Variants in SATL1 observed in about 807,000 individuals in gnomAD.
The protein encoded by SATL1 is spermidine/spermine N(1)-acetyltransferase-like protein 1.
Under a neutral mutation model 51.8 loss-of-function variants are expected in SATL1, and 47 were observed. That is an observed-to-expected ratio of 0.91 (90% CI 0.72 to 1.16). SATL1 has a LOEUF of 1.16. SATL1 is among the 50% of genes most tolerant of loss of function. SATL1 has a pLI of 0.00. For synonymous variants in SATL1, 176 were observed against 182.4 expected, an observed-to-expected ratio of 0.97 and a Z score of 0.28; for missense variants, 520 against 526.4, an observed-to-expected ratio of 0.99 and a Z score of 0.12.
At chrX:85,114,538 T>C (rs773807963) in intron 2 of SATL1, among the ~76,000 whole-genome samples, 1 of 112,004 alleles carries the variant, frequency 8.9e-6, no homozygotes, top group East Asian at 2.8e-4. Context: ...TTTAAGAGGA[T>C]TAAAACAAGA....
rs780585183 is a variant in SATL1, at chrX:85,118,086, G to GTTTTTTTTTTTTTTTTTTTT, written c.-312-8807_-312-8806insAAAAAAAAAAAAAAAAAAAA. Among the ~76,000 whole-genome samples, 48 of 38,796 alleles carry GTTTTTTTTTTTTTTTTTTTT rather than the reference G, an allele frequency of 1.2e-3. 2 individuals are homozygous for GTTTTTTTTTTTTTTTTTTTT. The highest frequency in any genetic ancestry group is 2.8e-3 in the Non-Finnish European group (39 of 13,745). The allele number at this position is 38,796 out of a possible 115,157, so 33.7% of individuals were successfully genotyped here. On this transcript the variant is annotated intron_variant, in intron 2 of 7. Transcript: ENST00000644105. ...GTTTTGCAAATAAAAAAAGAACTTA[G>GTTTTTTTTTTTTTTTTTTTT]CTTTTTTTTTTTTTTTTCCAGAGTG... is the stretch of plus-strand genomic sequence containing the variant.
chrX:85,196,922 C>T (rs1350169757), intron 2 of SATL1, among the ~76,000 whole-genome samples: 1 of 111,642 alleles, frequency 9.0e-6, no homozygotes, highest in East Asian at 2.8e-4. Context: ...ATCTTTGTGA[C>T]CTTGGGATAA....
chrX:85,176,260 T>C (rs1305408500), intron 2 of SATL1, among the ~76,000 whole-genome samples: 7 of 111,989 alleles, frequency 6.3e-5, no homozygotes, highest in African/African-American at 2.3e-4. Flanking sequence ...TGATAATATA[T>C]TCTATTGGCA....
rs774808838 is a variant in SATL1 at position 85,092,479 on chromosome X, C to T, written c.2000G>A (p.Arg667Gln). ...CTCAGAGGAAAGGTCTAAAGCCCCTCGACTAGTATAGTAGTTGATAGAAGC... is the reference window on the plus strand; with the variant it reads ...CTCAGAGGAAAGGTCTAAAGCCCCTTGACTAGTATAGTAGTTGATAGAAGC... ...NQASINYYTS[R>Q]GALDLSSEEG... Residue 667 changes from arginine (R) to glutamine (Q), a missense_variant, in exon 8 of 8, where the codon CGA (arginine) becomes CAA (glutamine). Coordinates refer to ENST00000644105, the MANE Select transcript of SATL1 (RefSeq NM_001367857.2). 4 of 1,206,517 alleles carry T rather than the reference C, an allele frequency of 3.3e-6. No individual in the cohort carries two copies. The Admixed American group carries it at 6.6e-5, about 20-fold the overall frequency.
At chrX:85,219,349 C>G (rs17278366) in intron 2 of SATL1, 1 of 111,682 alleles carries the variant, frequency 9.0e-6, no homozygotes, top group African/African-American at 3.2e-5. Context: ...CTTATCTCTT[C>G]ATACCTTGAA....
intron 2 of SATL1, among the ~76,000 whole-genome samples, chrX:85,205,516 G>A (rs749784361): frequency 7.1e-5 from 8 of 112,250 alleles, no homozygotes; most frequent in African/African-American, 2.6e-4. Flanking sequence ...AGAGTTTGAA[G>A]AGATATTTGA....
intron 2 of SATL1, chrX:85,117,258 A>G (rs1402269012): frequency 2.7e-5 from 3 of 111,334 alleles, no homozygotes; most frequent in Non-Finnish European, 5.7e-5. Flanking sequence ...TTTATAATAA[A>G]CTTTCCCTCC....
At chrX:85,140,996 C>G (rs1197148164) in intron 2 of SATL1, among the ~76,000 whole-genome samples, 1 of 111,582 alleles carries the variant, frequency 9.0e-6, no homozygotes, top group Non-Finnish European at 1.9e-5. Flanking sequence ...ATCAAGGACC[C>G]TATTTTTTTC....
intron 2 of SATL1, among the ~76,000 whole-genome samples, chrX:85,139,220 C>G (rs751676617): frequency 2.7e-5 from 3 of 111,330 alleles, no homozygotes; most frequent in African/African-American, 9.8e-5. Flanking sequence ...AGCCTAGAAT[C>G]TATAATAACA....
intron 2 of SATL1, among the ~76,000 whole-genome samples, chrX:85,198,685 T>C (rs535666885): frequency 3.6e-5 from 4 of 111,311 alleles, no homozygotes; most frequent in South Asian, 3.8e-4. Flanking sequence ...GAATATGTAA[T>C]AATCACATCA....
chrX:85,183,920 C>G (rs1253023056), intron 2 of SATL1, among the ~76,000 whole-genome samples: 4 of 110,872 alleles, frequency 3.6e-5, no homozygotes, highest in Admixed American at 9.7e-5. Flanking sequence ...ATTCATTGGT[C>G]ATCTCCTCTT....
Position 85,150,494 on chromosome X carries a change from C to T in SATL1, c.-312-41214G>A, listed in dbSNP as rs1268745497. 1.1e-4 allele frequency among the ~76,000 whole-genome samples: 12 copies of T among 108,816 alleles called. No homozygotes were observed. In the East Asian group the frequency reaches 2.0e-3, roughly 19 times the overall value. 94.5% of individuals were successfully genotyped at this position (108,816 alleles called of 115,157 possible). A position where few individuals can be genotyped will look rare whatever the true frequency, so the allele number is the denominator to read the frequency against. ...GCCAGCATCATCCTGATACCAAAGC[C>T]GGGCAGAGACACAACCAAAAAAGAG... On this transcript the variant is annotated intron_variant, in intron 2 of 7. Coordinates refer to ENST00000644105, the MANE Select transcript of SATL1 (RefSeq NM_001367857.2).
At chrX:85,171,783 A>G (rs977810449) in intron 2 of SATL1, among the ~76,000 whole-genome samples, 4 of 111,773 alleles carry the variant, frequency 3.6e-5, no homozygotes, top group African/African-American at 1.3e-4. Context: ...AGCCCTTGTA[A>G]GTATTTCTGC....
At chrX:85,192,488 T>C (rs938150120) in intron 2 of SATL1, among the ~76,000 whole-genome samples, 7 of 111,118 alleles carry the variant, frequency 6.3e-5, no homozygotes, top group African/African-American at 2.3e-4. Context: ...TTCCACATTT[T>C]ACACATGTTC....
intron 2 of SATL1, among the ~76,000 whole-genome samples, chrX:85,135,674 C>T (rs896098867): frequency 1.2e-4 from 13 of 104,647 alleles, no homozygotes; most frequent in Admixed American, 8.0e-4. Context: ...CAGACTCAAG[C>T]GATCCTCCCC....
chrX:85,144,614 T>C, intron 2 of SATL1, among the ~76,000 whole-genome samples: 1 of 112,428 alleles, frequency 8.9e-6, no homozygotes, highest in Non-Finnish European at 1.9e-5. Context: ...GAAAGGTTCC[T>C]ACTGAGTTTC....
chrX:85,181,117 G>GTA (rs1555960773), intron 2 of SATL1, among the ~76,000 whole-genome samples: 5 of 106,141 alleles, frequency 4.7e-5, no homozygotes, highest in African/African-American at 1.7e-4. Context: ...GTGTGTGTGT[G>GTA]TATATACGTG....
At chrX:85,100,569 A>G (rs1176700228) in intron 4 of SATL1, among the ~76,000 whole-genome samples, 1 of 112,195 alleles carries the variant, frequency 8.9e-6, no homozygotes, top group Non-Finnish European at 1.9e-5. Context: ...TTAAAAAAGA[A>G]AAACAACAAC....
At chrX:85,093,948 T>G (rs1454390974) in intron 6 of SATL1, among the ~76,000 whole-genome samples, 180 bp downstream of exon 6, 1 of 112,079 alleles carries the variant, frequency 8.9e-6, no homozygotes, top group Admixed American at 9.4e-5. Flanking sequence ...TTCTAATCTG[T>G]GACTGAGTCT....
Sources: gnomAD v4.1 joint callset for allele counts (sites outside exome capture counted in the v4.1 genomes callset) on GRCh38, gnomAD v4.1.1 for gene constraint, MANE v1.5 for transcripts, NCBI Gene and HGNC (gene_info 2026-07-23, HGNC 2026-07-21) for gene names.